ZNF141: variants seen among roughly 807,000 people sequenced by gnomAD.
ZNF141 encodes the protein zinc finger protein 141 (clone pHZ-44).
A neutral mutation model predicts 11.3 loss-of-function variants in ZNF141; 7 were observed. That is an observed-to-expected ratio of 0.62 (90% CI 0.35 to 1.16). The LOEUF (loss-of-function observed/expected upper bound fraction) is 1.16. ZNF141 is among the 50% of genes most tolerant of loss of function. ZNF141 has a pLI of 0.02. For synonymous variants in ZNF141, 183 were observed against 190.7 expected (o/e 0.96, Z 0.33); for missense variants, 535 against 554.0 (o/e 0.97, Z 0.34).
chr4:358,064 A>C (rs115361560), intron 3 of ZNF141: 3,490 of 270,170 alleles, frequency 0.013, 51 homozygotes, highest in South Asian at 0.031. Flanking sequence ...ACTTACTTTT[A>C]AGTTTGCTTA....
At chr4:350,336 T>G (rs1721536944) in intron 3 of ZNF141, 2 of 410,204 alleles carry the variant, frequency 4.9e-6, no homozygotes. Context: ...TTCTATGTGC[T>G]TACTACTTAA....
chr4:350,027 A>G, intron 3 of ZNF141: 1 of 446,636 alleles, frequency 2.2e-6, no homozygotes, highest in Non-Finnish European at 4.6e-6. Context: ...AGCTGAGGCC[A>G]GGATATACAG....
chr4:350,102 G>A (rs553342899), intron 3 of ZNF141: 7 of 532,138 alleles, frequency 1.3e-5, no homozygotes, highest in South Asian at 5.6e-5. Flanking sequence ...GAAGGACCAC[G>A]TCTGGACTGT....
chr4:340,059 C>A (rs1397365432), intron 1 of ZNF141, among the ~76,000 whole-genome samples: 1 of 152,196 alleles, frequency 6.6e-6, no homozygotes, highest in African/African-American at 2.4e-5. Context: ...GTAATGCACA[C>A]CACATTTTGT....
At position 381,946 on chromosome 4, in the gene ZNF141, C is replaced by CTTTTTTTTTTTTTT. The variant is rs34905613; in HGVS notation, c.*8090_*8103dup. On this transcript the variant is annotated 3_prime_UTR_variant, in exon 4 of 4. Transcript: ENST00000240499. ...CTAGGGCCACCACCATCTCTGGGAA[C>CTTTTTTTTTTTTTT]TTTTTTTTTTTTTTTTTTTGAGACG... Among the ~76,000 whole-genome samples, 31 of 105,930 alleles carry CTTTTTTTTTTTTTT rather than the reference C, an allele frequency of 2.9e-4. 1 individual carries two copies. Among genetic ancestry groups the CTTTTTTTTTTTTTT allele is most frequent in the African/African-American group, 1.1e-3 (24 of 22,440 alleles). 69.5% of individuals were successfully genotyped at this position (105,930 alleles called of 152,430 possible).
In ZNF141 at chr4:337,980, G is replaced by A; in HGVS notation, c.-4G>A. On this transcript the variant is annotated 5_prime_UTR_variant, in exon 1 of 4. Transcript: ENST00000240499. Reference sequence around the variant, plus strand: ...AGACTCCCGAATACTTCAGAAGTGGGGAAATGGTGAGTGTGCGGGGCAGGG... The same window carrying A: ...AGACTCCCGAATACTTCAGAAGTGGAGAAATGGTGAGTGTGCGGGGCAGGG... The A allele has an allele frequency of 6.2e-7, 1 of 1,613,444 alleles. No individual in the cohort carries two copies. Among genetic ancestry groups the A allele is most frequent in the South Asian group, 1.1e-5 (1 of 91,078 alleles).
At position 373,580 on chromosome 4, in the gene ZNF141, C is replaced by T. The variant is rs781822896; in HGVS notation, c.1143C>T (p.Val381=). 6 of 1,613,646 alleles carry T rather than the reference C, an allele frequency of 3.7e-6. No individual in the cohort carries two copies. The highest frequency in any genetic ancestry group is 4.2e-6 in the Non-Finnish European group (5 of 1,179,882). The part of the protein sequence containing the change: ...ECGKAFGRSR[V]LNEHKKIHTG... The stretch of plus-strand genomic sequence containing the variant: ...GCAAAGCCTTTGGACGGTCCAGGGT[C>T]CTGAATGAACATAAAAAAATTCATA... The change falls in exon 4 of 4, where the codon GTC becomes GTT. Residue 381 remains valine (V), a synonymous_variant. Transcript: ENST00000240499.
intron 3 of ZNF141, among the ~76,000 whole-genome samples, chr4:369,764 A>ATGTTTTTTTTTTTTTTTTTTTTTTT: frequency 1.3e-3 from 63 of 48,720 alleles, no homozygotes; most frequent in Non-Finnish European, 1.5e-3. Flanking sequence ...ATATATATAT[A>ATGTTTTTTTTTTTTTTTTTTTTTTT]TTTTTTTTTT....
chr4:377,518 C>T lies in ZNF141; in HGVS notation c.*3656C>T, dbSNP rs1380175335. ...TCCCCAGCTATGTATGCCTCAGAGCCTTTCTTCATTTTTGCGTTATGGCTA... is the reference window on the plus strand; with the variant it reads ...TCCCCAGCTATGTATGCCTCAGAGCTTTTCTTCATTTTTGCGTTATGGCTA... On this transcript the variant is annotated 3_prime_UTR_variant, in exon 4 of 4. Transcript: ENST00000240499. Among the ~76,000 whole-genome samples, 1 of 152,108 alleles carries T rather than the reference C, an allele frequency of 6.6e-6. No individual in the cohort carries two copies. The highest frequency in any genetic ancestry group is 1.5e-5 in the Non-Finnish European group (1 of 68,024).
rs1553855419 is a variant in ZNF141, at chr4:380,663, A to ACC, written c.*6801_*6802insCC. ...GCAAAACTCCATCCCCCCTGCCCAA[A>ACC]AAAAAAAATTAATTTTCACAGAAAA... On this transcript the variant is annotated 3_prime_UTR_variant, in exon 4 of 4. Transcript: ENST00000240499. 4.6e-4 allele frequency among the ~76,000 whole-genome samples: 70 copies of ACC among 151,812 alleles called. No homozygotes were observed. Among genetic ancestry groups the ACC allele is most frequent in the African/African-American group, 1.5e-3 (61 of 41,312 alleles).
At chr4:344,590 TCGAGA>T (rs1721231405) in intron 3 of ZNF141, among the ~76,000 whole-genome samples, 160 bp downstream of exon 3, 1 of 152,042 alleles carries the variant, frequency 6.6e-6, no homozygotes, top group African/African-American at 2.4e-5. Context: ...GGTCAAGAGA[TCGAGA>T]TCATCCTGGC....
rs545913329 is a variant in ZNF141 at position 383,857 on chromosome 4, A to G, written c.*9995A>G. 2.0e-5 allele frequency: 3 copies of G among 152,308 alleles called. No individual in the cohort carries two copies. The highest frequency in any genetic ancestry group is 4.4e-5 in the Non-Finnish European group (3 of 68,072). The allele number at this position is 152,308 out of a possible 1,614,324, so 9.4% of individuals were successfully genotyped here. A position where few individuals can be genotyped will look rare whatever the true frequency, so the allele number is the denominator to read the frequency against. On this transcript the variant is annotated 3_prime_UTR_variant, in exon 4 of 4. Coordinates refer to ENST00000240499, the MANE Select transcript of ZNF141 (RefSeq NM_003441.4). ...ATAAGGGGTAGCTGATAGGAACCTCAAAAGGAGTACTTAAAACCCAGAAAA... is the reference window on the plus strand; with the variant it reads ...ATAAGGGGTAGCTGATAGGAACCTCGAAAGGAGTACTTAAAACCCAGAAAA...
intron 3 of ZNF141, chr4:350,149 T>A (rs369797479): frequency 1.7e-5 from 9 of 534,628 alleles, no homozygotes; most frequent in African/African-American, 1.9e-5. Context: ...ACAGAACTGC[T>A]TCAGAATCCT....
intron 1 of ZNF141, 54 bp downstream of exon 1, chr4:338,040 C>T: frequency 6.2e-7 from 1 of 1,608,982 alleles, no homozygotes; most frequent in South Asian, 1.1e-5. Flanking sequence ...TCGGAGCTGG[C>T]GGGAAATGGC....
chr4:369,179 A>T (rs961929832), intron 3 of ZNF141, among the ~76,000 whole-genome samples: 2 of 151,910 alleles, frequency 1.3e-5, no homozygotes, highest in Non-Finnish European at 2.9e-5. Context: ...ACACACACTC[A>T]CACACACACA....
At position 383,685 on chromosome 4, in the gene ZNF141, A is replaced by G. The variant is rs1712764809; in HGVS notation, c.*9823A>G. The G allele has an allele frequency of 6.5e-6, 1 of 153,398 alleles. No individual in the cohort carries two copies. The highest frequency in any genetic ancestry group is 1.5e-5 in the Non-Finnish European group (1 of 68,894). The allele number at this position is 153,398 out of a possible 1,614,324, so 9.5% of individuals were successfully genotyped here. A position where few individuals can be genotyped will look rare whatever the true frequency, so the allele number is the denominator to read the frequency against. Reference sequence around the variant, plus strand: ...CAAAGGATCGAAGGCGACTGTCGCTACAACCCTCCCCCTTGTACCAGTTCT... The same window carrying G: ...CAAAGGATCGAAGGCGACTGTCGCTGCAACCCTCCCCCTTGTACCAGTTCT... On this transcript the variant is annotated 3_prime_UTR_variant, in exon 4 of 4. Coordinates refer to ENST00000240499, the MANE Select transcript of ZNF141 (RefSeq NM_003441.4).
intron 3 of ZNF141, among the ~76,000 whole-genome samples, chr4:366,494 G>A (rs1276388270): frequency 6.6e-6 from 1 of 151,936 alleles, no homozygotes; most frequent in African/African-American, 2.4e-5. Context: ...AGTAGTGACG[G>A]GGTTTCACCA....
chr4:342,702 G>T, intron 1 of ZNF141: 1 of 977,390 alleles, frequency 1.0e-6, no homozygotes, highest in Non-Finnish European at 1.6e-6. Flanking sequence ...ACCATCAGCT[G>T]TGTTCTGCCC....
At chr4:345,631 G>A (rs1368957934) in intron 3 of ZNF141, among the ~76,000 whole-genome samples, 1 of 151,478 alleles carries the variant, frequency 6.6e-6, no homozygotes, top group Non-Finnish European at 1.5e-5. Context: ...GGGAGGCTGA[G>A]GCAGGAGAAT....
Sources: allele counts gnomAD v4.1 joint callset (sites outside exome capture counted in the v4.1 genomes callset), GRCh38; gene constraint gnomAD v4.1.1; transcripts MANE v1.5; gene names NCBI Gene and HGNC (gene_info 2026-07-23, HGNC 2026-07-21).